GRM5: variants seen among roughly 807,000 people sequenced by gnomAD.
GRM5 encodes metabotropic glutamate receptor 5.
GRM5 carries 19 observed loss-of-function variants against 83.1 expected under a neutral mutation model. The ratio of observed to expected loss-of-function variants is 0.23; its 90% CI spans 0.16 to 0.34. GRM5 has a LOEUF of 0.34. Ranked by LOEUF, GRM5 falls within the 10% of genes least tolerant of loss-of-function variation. The probability of loss-of-function intolerance (pLI) is 1.00; values close to 1 mark genes in which losing one functional copy is unlikely to be tolerated. For synonymous variants in GRM5, 675 were observed against 633.6 expected, an observed-to-expected ratio of 1.07 and a Z score of -0.98; for missense variants, 1,160 against 1,588.3, an observed-to-expected ratio of 0.73 and a Z score of 4.58.
chr11:89,021,647 G>T (rs927939347), intron 2 of GRM5, among the ~76,000 whole-genome samples: 1 of 152,108 alleles, frequency 6.6e-6, no homozygotes, highest in African/African-American at 2.4e-5. Flanking sequence ...TGTTAAAAGG[G>T]GAAAAATCAT....
intron 3 of GRM5, among the ~76,000 whole-genome samples, chr11:88,691,597 G>C (rs1331223268): frequency 6.6e-6 from 1 of 151,856 alleles, no homozygotes; most frequent in Non-Finnish European, 1.5e-5. Flanking sequence ...CTGCCATCTG[G>C]GTATTTTACA....
At chr11:88,907,946 C>T (rs1452388582) in intron 2 of GRM5, among the ~76,000 whole-genome samples, 3 of 151,902 alleles carry the variant, frequency 2.0e-5, no homozygotes, top group South Asian at 2.1e-4. Context: ...ATATAATTTG[C>T]GTGTAATCCC....
chr11:88,606,560 T>C (rs1685601904), intron 4 of GRM5, among the ~76,000 whole-genome samples: 1 of 152,142 alleles, frequency 6.6e-6, no homozygotes. Context: ...ATTACTGCAT[T>C]TTATGATAAG....
intron 4 of GRM5, among the ~76,000 whole-genome samples, chr11:88,632,027 A>C (rs550102127): frequency 1.8e-4 from 28 of 152,212 alleles, no homozygotes; most frequent in African/African-American, 6.7e-4. Context: ...ACATATTGAA[A>C]CTGAACACTT....
chr11:88,737,440 T>TAACA (rs2135412873), intron 3 of GRM5, among the ~76,000 whole-genome samples: 1 of 152,206 alleles, frequency 6.6e-6, no homozygotes, highest in South Asian at 2.1e-4. Context: ...CAGGACTGTA[T>TAACA]AACATGTATT....
At chr11:88,689,388 A>C (rs1940724253) in intron 3 of GRM5, among the ~76,000 whole-genome samples, 2 of 152,210 alleles carry the variant, frequency 1.3e-5, no homozygotes. Flanking sequence ...AGGTGTGAAG[A>C]CTTCTTAGAG....
intron 2 of GRM5, among the ~76,000 whole-genome samples, chr11:88,915,877 G>A (rs151176110): frequency 0.011 from 1,606 of 152,214 alleles, 29 homozygotes; most frequent in African/African-American, 0.037. Context: ...TCTCATGGTT[G>A]TCTACAAAAC....
intron 3 of GRM5, among the ~76,000 whole-genome samples, chr11:88,670,408 A>C (rs192644463): frequency 4.9e-4 from 74 of 152,096 alleles, no homozygotes; most frequent in African/African-American, 1.7e-3. Flanking sequence ...TATAACTAAT[A>C]GCTTATTTTC....
chr11:88,791,574 T>C (rs908633893), intron 3 of GRM5, among the ~76,000 whole-genome samples: 1 of 152,152 alleles, frequency 6.6e-6, no homozygotes, highest in Non-Finnish European at 1.5e-5. Context: ...GATAACTTGA[T>C]AACTTGGACA....
chr11:88,733,318 T>C (rs1385323935), intron 3 of GRM5, among the ~76,000 whole-genome samples: 6 of 151,972 alleles, frequency 3.9e-5, no homozygotes, highest in Non-Finnish European at 8.8e-5. Flanking sequence ...CATCCTCTAA[T>C]CTGTTTGGGA....
At chr11:88,869,877 AT>A in intron 2 of GRM5, among the ~76,000 whole-genome samples, 1 of 151,486 alleles carries the variant, frequency 6.6e-6, no homozygotes. Flanking sequence ...CCCTGGTTAT[AT>A]TTTTTTAGTG....
In GRM5 at chr11:88,509,348, C is replaced by T. The variant is rs1261281344; in HGVS notation, c.2883G>A (p.Leu961=). ...PFPKSTESRG[L]GAGAGAGGSA... ...TCCCGCCTGCGCCAGCGCCAGCGCC[C>T]AGGCCACGGCTCTCCGTGCTCTTGG... The change falls in exon 10 of 10, where the codon CTG becomes CTA. Residue 961 remains leucine, a synonymous_variant. Transcript: ENST00000305447. The T allele has an allele frequency of 1.9e-6, 3 of 1,605,952 alleles. No homozygotes were observed. Among genetic ancestry groups the T allele is most frequent in the Admixed American group, 3.4e-5 (2 of 59,348 alleles).
At position 88,508,695 on chromosome 11, in the gene GRM5, G is replaced by T; in HGVS notation, c.3536C>A (p.Thr1179Asn). Residue 1179 changes from threonine to asparagine, a missense_variant, in exon 10 of 10, where the codon ACC (threonine) becomes AAC (asparagine). Transcript: ENST00000305447. This position sits in a 1 kb window ranked among gnomAD's most constrained non-coding sequence, Gnocchi z 4.2. ...CGACTCGGACACTGGCGAGTTGGGG[G>T]TTGTGCTCCCCGAGTCCACCGAGTC... Reference protein sequence around the residue: ...FRDSVDSGSTTPNSPVSESAL... With the variant: ...FRDSVDSGSTNPNSPVSESAL... 1.2e-6 allele frequency: 2 copies of T among 1,605,242 alleles called. No homozygotes were observed. Among genetic ancestry groups the T allele is most frequent in the Non-Finnish European group, 1.7e-6 (2 of 1,176,112 alleles).
intron 3 of GRM5, among the ~76,000 whole-genome samples, chr11:88,716,111 A>G (rs1056388511): frequency 6.6e-6 from 1 of 151,996 alleles, no homozygotes; most frequent in Non-Finnish European, 1.5e-5. Context: ...AAAAAGGATG[A>G]GAGTTTGTAA....
chr11:88,665,162 T>TACACACACACACACAC (rs1214459891), intron 3 of GRM5, among the ~76,000 whole-genome samples: 37,451 of 140,506 alleles, frequency 0.27, 5,575 homozygotes, highest in Non-Finnish European at 0.34. Context: ...TTAATTTATT[T>TACACACACACACACAC]ACACACACAC....
At chr11:88,907,478 T>C (rs1459606119) in intron 2 of GRM5, among the ~76,000 whole-genome samples, 2 of 152,200 alleles carry the variant, frequency 1.3e-5, no homozygotes, top group Admixed American at 6.5e-5. Flanking sequence ...TGCTATTTTA[T>C]CAAAACAGAG....
intron 4 of GRM5, among the ~76,000 whole-genome samples, chr11:88,618,906 T>G (rs1376457161): frequency 6.6e-6 from 1 of 152,182 alleles, no homozygotes; most frequent in Non-Finnish European, 1.5e-5. Flanking sequence ...TAAGCCGACT[T>G]GACTTGCCAG....
In GRM5 at chr11:88,567,476, G is replaced by T; in HGVS notation, c.2207C>A (p.Thr736Asn). The T allele has an allele frequency of 6.2e-7, 1 of 1,614,080 alleles. No homozygotes were observed. Among genetic ancestry groups the T allele is most frequent in the African/African-American group, 1.3e-5 (1 of 75,034 alleles). ...AAGTGGAGTGACAACTCCTAGGTTG[G>T]TGGTGTTACAGATCAGGTAGACTTC... ...IREVYLICNT[T>N]NLGVVTPLGY... The change falls in exon 8 of 10, where the codon ACC (threonine) becomes AAC (asparagine). Residue 736 changes from threonine to asparagine, a missense_variant. By Grantham distance (65) the Thr-to-Asn change is moderately conservative. Coordinates refer to ENST00000305447, the MANE Select transcript of GRM5 (RefSeq NM_001143831.3). The surrounding 1 kb of genome is among the most constrained non-coding windows in gnomAD (Gnocchi z 7.3).
chr11:88,562,012 C>A (rs1414011499), intron 8 of GRM5, among the ~76,000 whole-genome samples: 1 of 152,086 alleles, frequency 6.6e-6, no homozygotes, highest in Non-Finnish European at 1.5e-5. Flanking sequence ...ATATGAACTA[C>A]TCTTCAGGCC....
Sources: allele counts gnomAD v4.1 joint callset (sites outside exome capture counted in the v4.1 genomes callset), GRCh38; gene constraint gnomAD v4.1.1; non-coding constraint Gnocchi (gnomAD v3.1); transcripts MANE v1.5; gene names NCBI Gene and HGNC (gene_info 2026-07-23, HGNC 2026-07-21).